GPBP1L1: variants seen among roughly 807,000 people sequenced by gnomAD.
GPBP1L1 encodes vasculin-like protein 1.
Under a neutral mutation model 52.5 loss-of-function variants are expected in GPBP1L1, and 23 were observed. The observed-to-expected ratio is 0.44, with a 90% CI of 0.32 to 0.62. GPBP1L1 has a LOEUF of 0.62. GPBP1L1 is among the 20% of genes least tolerant of loss of function. The pLI, the probability that GPBP1L1 is intolerant of heterozygous loss-of-function variation, is 0.06. For missense variants in GPBP1L1, 596 were observed against 579.3 expected (o/e 1.03, Z -0.30); for synonymous variants, 243 against 203.1 (o/e 1.20, Z -1.67).
intron 2 of GPBP1L1, among the ~76,000 whole-genome samples, chr1:45,664,880 T>C (rs755033139): frequency 4.6e-5 from 7 of 152,036 alleles, no homozygotes; most frequent in Non-Finnish European, 8.8e-5. Flanking sequence ...AGTTTCGCCA[T>C]GTTAGCCAGG....
Position 45,661,128 on chromosome 1 carries a change from T to C in GPBP1L1, c.-1000A>G, listed in dbSNP as rs939878546. 4 of 152,236 alleles carry C rather than the reference T, an allele frequency of 2.6e-5. No individual in the cohort carries two copies. The highest frequency in any genetic ancestry group is 2.0e-4 in the Admixed American group (3 of 15,280). 9.4% of individuals were successfully genotyped at this position (152,236 alleles called of 1,614,324 possible). On this transcript the variant is annotated 5_prime_UTR_variant, in exon 3 of 13. Coordinates refer to ENST00000355105, the MANE Select transcript of GPBP1L1 (RefSeq NM_021639.5). The stretch of plus-strand genomic sequence containing the variant: ...TAAATTGAGCCACTGGAAGGAGATA[T>C]GAAGAATCTTCTATGCTTTGGTAGA...
intron 2 of GPBP1L1, among the ~76,000 whole-genome samples, chr1:45,677,798 G>A (rs1399645980): frequency 6.6e-6 from 1 of 152,140 alleles, no homozygotes; most frequent in Non-Finnish European, 1.5e-5. Flanking sequence ...ATCAAATCAT[G>A]AGACTATTTT....
intron 7 of GPBP1L1, 114 bp from the exon 8 acceptor site, chr1:45,640,517 A>AATGT: frequency 1.2e-6 from 1 of 811,120 alleles, no homozygotes; most frequent in Non-Finnish European, 2.1e-6. Flanking sequence ...AGACAGAGGG[A>AATGT]TTAAACATTC....
intron 9 of GPBP1L1, 63 bp downstream of exon 9, chr1:45,634,033 G>C (rs369912091): frequency 6.7e-7 from 1 of 1,482,340 alleles, no homozygotes; most frequent in African/African-American, 1.4e-5. Flanking sequence ...TATTACACTT[G>C]TTATCTAAGT....
At chr1:45,656,855 A>C (rs900991101) in intron 4 of GPBP1L1, among the ~76,000 whole-genome samples, 1 of 150,716 alleles carries the variant, frequency 6.6e-6, no homozygotes, top group African/African-American at 2.4e-5. Context: ...TTTTTTTTTT[A>C]AATTTTTCTT....
At chr1:45,682,359 T>C (rs1645221719) in intron 2 of GPBP1L1, among the ~76,000 whole-genome samples, 1 of 152,184 alleles carries the variant, frequency 6.6e-6, no homozygotes. Context: ...GGGAAAAAAC[T>C]TACTCCACAC....
chr1:45,671,377 T>G (rs985949349), intron 2 of GPBP1L1, among the ~76,000 whole-genome samples: 2 of 152,076 alleles, frequency 1.3e-5, no homozygotes, highest in African/African-American at 4.8e-5. Context: ...GCCCAGCTAA[T>G]TTTTGTATTT....
chr1:45,643,344 G>A (rs1226830394), intron 6 of GPBP1L1, among the ~76,000 whole-genome samples: 3 of 152,132 alleles, frequency 2.0e-5, no homozygotes, highest in Non-Finnish European at 2.9e-5. Context: ...GATTTCTTAG[G>A]GGAGATTAAG....
rs202001469 is a variant in GPBP1L1 at position 45,633,689 on chromosome 1, G to A, written c.886-42C>T. ...AACAGGTTGCTCCTGACAGCAAAGA[G>A]CAAGAACTGGGGTTCTCTTCTACTA... On this transcript the variant is annotated intron_variant, in intron 9 of 12. Transcript: ENST00000355105. 8.1e-5 allele frequency: 129 copies of A among 1,599,160 alleles called. No homozygotes were observed. In the East Asian group the frequency reaches 2.8e-3, roughly 34 times the overall value.
intron 10 of GPBP1L1, 25 bp from the exon 11 acceptor site, chr1:45,630,631 C>T: frequency 1.9e-6 from 3 of 1,612,582 alleles, no homozygotes; most frequent in African/African-American, 1.3e-5. Flanking sequence ...AGGAAGGACA[C>T]AGTTGGTTTA....
At chr1:45,629,473 A>G (rs537137376) in intron 12 of GPBP1L1, 103 bp downstream of exon 12, 117 of 31,442 alleles carry the variant, frequency 3.7e-3, no homozygotes, top group African/African-American at 0.021. Context: ...CCCCCACCCG[A>G]TCTTTCTCTC....
chr1:45,683,503 C>T (rs1645238053), intron 2 of GPBP1L1, among the ~76,000 whole-genome samples: 1 of 150,698 alleles, frequency 6.6e-6, no homozygotes, highest in Non-Finnish European at 1.5e-5. Flanking sequence ...CCGCGCCCGG[C>T]CTGAATATAG....
chr1:45,632,360 T>A (rs1021679454), intron 10 of GPBP1L1, among the ~76,000 whole-genome samples: 1 of 151,802 alleles, frequency 6.6e-6, no homozygotes. Flanking sequence ...CTGAGATTGC[T>A]CCATTGCACT....
At chr1:45,675,168 A>G (rs1358039710) in intron 2 of GPBP1L1, among the ~76,000 whole-genome samples, 3 of 151,988 alleles carry the variant, frequency 2.0e-5, no homozygotes, top group African/African-American at 2.4e-5. Context: ...GTGGAGGTGC[A>G]TGCCTGTAGT....
Position 45,660,690 on chromosome 1 carries a change from C to T in GPBP1L1, c.-562G>A. The T allele has an allele frequency of 3.8e-6, 1 of 262,910 alleles. No homozygotes were observed. Among genetic ancestry groups the T allele is most frequent in the Non-Finnish European group, 5.9e-6 (1 of 169,458 alleles). 16.3% of individuals were successfully genotyped at this position (262,910 alleles called of 1,614,324 possible). On this transcript the variant is annotated 5_prime_UTR_variant, in exon 3 of 13. It introduces an in-frame stop codon into an upstream open reading frame of the 5' UTR. Coordinates refer to ENST00000355105, the MANE Select transcript of GPBP1L1 (RefSeq NM_021639.5). ...CTATAAAAGATCTGAGCAGTCAACT[C>T]CAAAACATCCACATGACAAAGTCCT...
At chr1:45,629,538 T>TG (rs756704814) in intron 12 of GPBP1L1, 38 bp downstream of exon 12, 1 of 1,099,062 alleles carries the variant, frequency 9.1e-7, no homozygotes, top group African/African-American at 1.6e-5. Flanking sequence ...ATTCTCCTGG[T>TG]TACTAACTGG....
chr1:45,630,473 C>T lies in GPBP1L1; in HGVS notation c.1169+9G>A, dbSNP rs1236107457. 4 of 1,613,556 alleles carry T rather than the reference C, an allele frequency of 2.5e-6. No individual in the cohort carries two copies. Among genetic ancestry groups the T allele is most frequent in the Middle Eastern group, 1.7e-4 (1 of 6,054 alleles). On this transcript the variant is annotated intron_variant, in intron 11 of 12. Transcript: ENST00000355105. ...ACACTGCATGCCCTGTGATGTCCTC[C>T]TCACTTACCTGTGCTCTGCTTCTAG...
chr1:45,634,026 T>G, intron 9 of GPBP1L1, 70 bp downstream of exon 9: 1 of 1,434,754 alleles, frequency 7.0e-7, no homozygotes, highest in Middle Eastern at 1.8e-4. Flanking sequence ...CTATACATAT[T>G]ACACTTGTTA....
rs148225216 is a variant in GPBP1L1 at position 45,634,204 on chromosome 1, G to A, written c.777C>T (p.His259=). Residue 259 remains histidine (H), a synonymous_variant, in exon 9 of 13, where the codon CAC becomes CAT. Coordinates refer to ENST00000355105, the MANE Select transcript of GPBP1L1 (RefSeq NM_021639.5). ...GGCTAGAGGAAAGGGATCCTGACTT[G>A]TGCTCCATCCTGTTAGCTTTCCATG... ...PNAWKANRME[H]KSGSLSSSRE... 6.2e-6 allele frequency: 10 copies of A among 1,613,602 alleles called. No homozygotes were observed. In the African/African-American group the frequency reaches 1.2e-4, roughly 19 times the overall value.
Sources: allele counts gnomAD v4.1 joint callset (sites outside exome capture counted in the v4.1 genomes callset), GRCh38; gene constraint gnomAD v4.1.1; transcripts MANE v1.5; gene names NCBI Gene and HGNC (gene_info 2026-07-23, HGNC 2026-07-21).